NUMB: variants seen among roughly 807,000 people sequenced by gnomAD.
The protein encoded by NUMB is NUMB endocytic adaptor protein.
Under a neutral mutation model 59.7 loss-of-function variants are expected in NUMB, and 29 were observed. The observed-to-expected ratio is 0.49, with a 90% CI of 0.36 to 0.66. The LOEUF (loss-of-function observed/expected upper bound fraction) is 0.66. Among genes scored for constraint, NUMB ranks in the 30% least tolerant of loss-of-function variants. The pLI is 0.00. For missense variants in NUMB, 723 were observed against 822.0 expected (o/e 0.88, Z 1.47); for synonymous variants, 288 against 288.2 (o/e 1.00, Z 0.01).
chr14:73,387,321 C>T (rs1895593925), intron 2 of NUMB, among the ~76,000 whole-genome samples: 1 of 152,026 alleles, frequency 6.6e-6, no homozygotes, highest in Non-Finnish European at 1.5e-5. Flanking sequence ...CTCATGATAG[C>T]AAGTGATATG....
rs747877755 is a variant in NUMB at position 73,277,034 on chromosome 14, G to A, written c.1500C>T (p.Ala500=). 5 of 1,614,118 alleles carry A rather than the reference G, an allele frequency of 3.1e-6. No homozygotes were observed. The highest frequency in any genetic ancestry group is 2.2e-5 in the South Asian group (2 of 91,086). Residue 500 remains alanine (A), a synonymous_variant, in exon 13 of 13, where the codon GCC becomes GCT. Coordinates refer to ENST00000555238, the MANE Select transcript of NUMB (RefSeq NM_001005743.2). ...SQPVPVGVVP[A]LQPAFVPAQS... ...GGGCAGGGACAAAGGCTGGTTGCAG[G>A]GCTGGGACCACACCCACTGGCACAG... is the stretch of plus-strand genomic sequence containing the variant.
intron 4 of NUMB, among the ~76,000 whole-genome samples, chr14:73,350,976 A>G (rs1237538104): frequency 6.6e-6 from 1 of 152,166 alleles, no homozygotes; most frequent in Non-Finnish European, 1.5e-5. Context: ...GGCTACTTCC[A>G]AACTACACTG....
At chr14:73,278,745 T>TCC (rs201063200) in intron 12 of NUMB, among the ~76,000 whole-genome samples, 5 of 107,352 alleles carry the variant, frequency 4.7e-5, no homozygotes, top group East Asian at 3.4e-4. Flanking sequence ...TTTTTTTTTT[T>TCC]GAGACAGAGT....
chr14:73,361,011 C>T (rs1894073378), intron 3 of NUMB, among the ~76,000 whole-genome samples: 1 of 152,086 alleles, frequency 6.6e-6, no homozygotes, highest in Non-Finnish European at 1.5e-5. Flanking sequence ...ATCTCAGCCT[C>T]CCGAGTAGCT....
chr14:73,311,779 C>A (rs1312902548), intron 6 of NUMB, among the ~76,000 whole-genome samples: 1 of 152,082 alleles, frequency 6.6e-6, no homozygotes, highest in African/African-American at 2.4e-5. Context: ...ATAAAAACTC[C>A]GTAACATATA....
rs61179657 is a variant in NUMB, at chr14:73,294,950, T to TAAAAAA, written c.310-2082_310-2077dup. Among the ~76,000 whole-genome samples, 23 of 24,382 alleles carry TAAAAAA rather than the reference T, an allele frequency of 9.4e-4. 1 individual carries two copies. The highest frequency in any genetic ancestry group is 6.1e-3 in the East Asian group (2 of 328). 16.0% of individuals were successfully genotyped at this position (24,382 alleles called of 152,430 possible). ...GGGCAACATAGTGAGAACCCATCTC[T>TAAAAAA]AAAAAAAAAAAAAAAAAAAAAATTA... On this transcript the variant is annotated intron_variant, in intron 7 of 12. Transcript: ENST00000555238.
intron 2 of NUMB, among the ~76,000 whole-genome samples, chr14:73,408,331 C>A (rs1896768539): frequency 1.3e-5 from 2 of 151,418 alleles, no homozygotes; most frequent in South Asian, 4.2e-4. Context: ...CAGAGACAGA[C>A]AAAACAAATT....
At chr14:73,372,668 T>A (rs1159448538) in intron 2 of NUMB, among the ~76,000 whole-genome samples, 1 of 151,856 alleles carries the variant, frequency 6.6e-6, no homozygotes, top group Non-Finnish European at 1.5e-5. Context: ...TACTCATTTG[T>A]TCAGTCCTAG....
intron 1 of NUMB, among the ~76,000 whole-genome samples, chr14:73,454,393 A>C (rs908905394): frequency 2.0e-5 from 3 of 152,158 alleles, no homozygotes; most frequent in Admixed American, 6.6e-5. Flanking sequence ...TAGTTTAGGA[A>C]GTTTCGAAGC....
At chr14:73,372,819 C>A (rs1331479611) in intron 2 of NUMB, among the ~76,000 whole-genome samples, 2 of 151,974 alleles carry the variant, frequency 1.3e-5, no homozygotes, top group Non-Finnish European at 2.9e-5. Flanking sequence ...ATGTTATATT[C>A]ATTTCATTAT....
At position 73,323,281 on chromosome 14, in the gene NUMB, T is replaced by C. The variant is rs1179164848; in HGVS notation, c.127-77A>G. On this transcript the variant is annotated intron_variant, in intron 4 of 12. Transcript: ENST00000555238. ...CTATACAGTAAGCATTAGGTGAAAA[T>C]TGAATACAGGTTGAACATTCCAAAT... is the stretch of plus-strand genomic sequence containing the variant. The C allele has an allele frequency of 1.3e-5, 13 of 973,036 alleles. No homozygotes were observed. In the Admixed American group the frequency reaches 1.3e-4, roughly 10 times the overall value. 60.3% of individuals were successfully genotyped at this position (973,036 alleles called of 1,614,324 possible).
chr14:73,423,312 C>A (rs1897432405), intron 1 of NUMB, among the ~76,000 whole-genome samples: 1 of 145,214 alleles, frequency 6.9e-6, no homozygotes, highest in Admixed American at 7.0e-5. Context: ...CCAGCCTGGC[C>A]AACATGATGA....
At chr14:73,332,612 C>T (rs188307953) in intron 4 of NUMB, among the ~76,000 whole-genome samples, 87 of 151,926 alleles carry the variant, frequency 5.7e-4, no homozygotes, top group Non-Finnish European at 4.9e-4. Context: ...TCATTCCTGC[C>T]TTGCTTTCAA....
At chr14:73,448,468 G>A (rs558380990) in intron 1 of NUMB, among the ~76,000 whole-genome samples, 1 of 152,178 alleles carries the variant, frequency 6.6e-6, no homozygotes, top group Admixed American at 6.5e-5. Flanking sequence ...TGGGATTAAA[G>A]GCATGAGCCA....
At chr14:73,304,241 A>G (rs1164469680) in intron 6 of NUMB, among the ~76,000 whole-genome samples, 4 of 151,728 alleles carry the variant, frequency 2.6e-5, no homozygotes, top group African/African-American at 7.3e-5. Flanking sequence ...GGCAACTGAA[A>G]TAACCAATTG....
chr14:73,297,856 T>C (rs1180789548), intron 6 of NUMB: 1 of 152,192 alleles, frequency 6.6e-6, no homozygotes, highest in Non-Finnish European at 1.5e-5. Context: ...CCATTATTTG[T>C]TCTCTCAGAG....
At chr14:73,283,978 G>A (rs1888811117) in intron 10 of NUMB, 103 bp downstream of exon 10, 1 of 1,115,668 alleles carries the variant, frequency 9.0e-7, no homozygotes, top group Non-Finnish European at 1.3e-6. Context: ...CGAACCTCAG[G>A]GAAAGAGGAA....
intron 2 of NUMB, among the ~76,000 whole-genome samples, chr14:73,400,716 T>A (rs1359016385): frequency 6.6e-6 from 1 of 152,148 alleles, no homozygotes; most frequent in Non-Finnish European, 1.5e-5. Flanking sequence ...AATGACTTAA[T>A]CAATCATGCC....
intron 1 of NUMB, among the ~76,000 whole-genome samples, chr14:73,423,923 G>A (rs937555746): frequency 2.2e-5 from 3 of 139,162 alleles, no homozygotes; most frequent in East Asian, 2.1e-4. Context: ...CTGAGATTGC[G>A]CCATTGGACT....
Sources: gnomAD v4.1 joint callset for allele counts (sites outside exome capture counted in the v4.1 genomes callset) on GRCh38, gnomAD v4.1.1 for gene constraint, MANE v1.5 for transcripts, NCBI Gene and HGNC (gene_info 2026-07-23, HGNC 2026-07-21) for gene names.